FER: variants seen among roughly 807,000 people sequenced by gnomAD.
FER encodes the protein tyrosine-protein kinase Fer.
A neutral mutation model predicts 111.0 loss-of-function variants in FER; 63 were observed. That is an observed-to-expected ratio of 0.57 (90% CI 0.46 to 0.70). FER has a LOEUF of 0.70. Among genes scored for constraint, FER ranks in the 30% least tolerant of loss-of-function variants. FER has a pLI of 0.00. For synonymous variants in FER, 327 were observed against 313.9 expected, an observed-to-expected ratio of 1.04 and a Z score of -0.44; for missense variants, 914 against 954.0, an observed-to-expected ratio of 0.96 and a Z score of 0.55.
At position 108,869,782 on chromosome 5, in the gene FER, C is replaced by T. The variant is rs145475026; in HGVS notation, c.666-1583C>T. Among the ~76,000 whole-genome samples, 14 of 152,204 alleles carry T rather than the reference C, an allele frequency of 9.2e-5. No individual in the cohort carries two copies. In the East Asian group the frequency reaches 2.7e-3, roughly 29 times the overall value. ...TAGAAGCGCAAATTTGTCTTTGCTG[C>T]CTTCCAGACTCTGCTTGACTGACTT... On this transcript the variant is annotated intron_variant, in intron 6 of 19. Coordinates refer to ENST00000281092, the MANE Select transcript of FER (RefSeq NM_005246.4).
chr5:108,875,694 T>A (rs1196403521), intron 8 of FER, among the ~76,000 whole-genome samples: 1 of 152,164 alleles, frequency 6.6e-6, no homozygotes, highest in African/African-American at 2.4e-5. Context: ...AATGGAGTTT[T>A]GAATCAACAC....
intron 13 of FER, among the ~76,000 whole-genome samples, chr5:108,973,577 G>C (rs1037270740): frequency 6.6e-6 from 1 of 151,976 alleles, no homozygotes; most frequent in African/African-American, 2.4e-5. Flanking sequence ...CCCATAGAGA[G>C]AAATTACAAT....
chr5:108,993,580 AGAGGGAGAGGGAGAGGGCGAGGGC>A (rs1763565171), intron 13 of FER, among the ~76,000 whole-genome samples: 1 of 134,714 alleles, frequency 7.4e-6, no homozygotes, highest in Non-Finnish European at 1.6e-5. Context: ...GGGGAGAGGG[AGAGGGAGAGGGAGAGGGCGAGGGC>A]GAGGGAGAGG....
At chr5:109,103,992 A>C (rs1041750858) in intron 17 of FER, among the ~76,000 whole-genome samples, 5 of 152,176 alleles carry the variant, frequency 3.3e-5, no homozygotes, top group Non-Finnish European at 2.9e-5. Context: ...CATATACTTG[A>C]GTGAAAGCCC....
chr5:108,909,534 G>A (rs1751258968), intron 10 of FER, among the ~76,000 whole-genome samples: 1 of 152,102 alleles, frequency 6.6e-6, no homozygotes, highest in African/African-American at 2.4e-5. Flanking sequence ...CAAAGTATCA[G>A]TTACACTTCT....
chr5:108,751,476 T>C (rs1249797381), intron 1 of FER, among the ~76,000 whole-genome samples: 8 of 152,188 alleles, frequency 5.3e-5, no homozygotes, highest in Non-Finnish European at 1.5e-5. Flanking sequence ...GAACTTGTTA[T>C]ACAAAAAAAC....
intron 5 of FER, among the ~76,000 whole-genome samples, chr5:108,860,969 G>A (rs1333971183): frequency 6.6e-6 from 1 of 152,156 alleles, no homozygotes; most frequent in Non-Finnish European, 1.5e-5. Flanking sequence ...CACAAGAACA[G>A]CATGGGGGTA....
chr5:109,155,122 C>T (rs1755227340), intron 17 of FER, among the ~76,000 whole-genome samples: 1 of 151,894 alleles, frequency 6.6e-6, no homozygotes, highest in African/African-American at 2.4e-5. Context: ...TTCATATTCT[C>T]TTGTCATATG....
intron 2 of FER, among the ~76,000 whole-genome samples, chr5:108,792,486 C>T (rs1185345845): frequency 4.0e-5 from 6 of 151,858 alleles, no homozygotes; most frequent in African/African-American, 1.2e-4. Context: ...TACAGGCATG[C>T]GCCACCACGC....
In FER at chr5:109,196,513, C is replaced by T. The variant is rs1400916248; in HGVS notation, c.*8938C>T. ...ACAAACAAGGCTTTGGCGGGTTTAT[C>T]TGGCTTTATAAACAAGTCTGAAAAA... On this transcript the variant is annotated 3_prime_UTR_variant, in exon 20 of 20. Transcript: ENST00000281092. 1 of 152,138 alleles carries T rather than the reference C, an allele frequency of 6.6e-6. No individual in the cohort carries two copies. The highest frequency in any genetic ancestry group is 1.5e-5 in the Non-Finnish European group (1 of 68,020). The allele number at this position is 152,138 out of a possible 1,614,324, so 9.4% of individuals were successfully genotyped here. A position where few individuals can be genotyped will look rare whatever the true frequency, so the allele number is the denominator to read the frequency against.
chr5:109,000,139 TG>T (rs1182861877), intron 13 of FER, among the ~76,000 whole-genome samples: 1 of 151,740 alleles, frequency 6.6e-6, no homozygotes, highest in Non-Finnish European at 1.5e-5. Context: ...TTCATAAAGA[TG>T]ATATATAATA....
chr5:108,924,360 CAAAAAAA>C (rs59469649), intron 10 of FER, among the ~76,000 whole-genome samples: 105 of 99,072 alleles, frequency 1.1e-3, no homozygotes, highest in African/African-American at 2.7e-3. Flanking sequence ...AACTCTGTCT[CAAAAAAA>C]AAAAAAAAAA....
chr5:109,044,607 A>G (rs1771681192), intron 14 of FER, 73 bp from the exon 15 acceptor site: 1 of 714,984 alleles, frequency 1.4e-6, no homozygotes. Context: ...CCTCTTTGGT[A>G]CCTTTCCTTG....
chr5:109,149,104 TG>T (rs1754545536), intron 17 of FER, among the ~76,000 whole-genome samples: 1 of 152,202 alleles, frequency 6.6e-6, no homozygotes, highest in South Asian at 2.1e-4. Context: ...ATGCAAAACC[TG>T]GTTTTAAAAT....
chr5:108,790,510 C>T (rs775140076), intron 2 of FER, among the ~76,000 whole-genome samples: 5 of 152,086 alleles, frequency 3.3e-5, no homozygotes, highest in Admixed American at 1.3e-4. Flanking sequence ...ATTTTACTGC[C>T]TGAAATTCTA....
intron 17 of FER, among the ~76,000 whole-genome samples, chr5:109,148,702 T>C (rs577055858): frequency 2.0e-5 from 3 of 152,312 alleles, no homozygotes; most frequent in African/African-American, 7.2e-5. Context: ...CCTCAGTTAC[T>C]TGGATAATTT....
chr5:108,977,497 C>G (rs1354336155), intron 13 of FER, among the ~76,000 whole-genome samples: 1 of 152,152 alleles, frequency 6.6e-6, no homozygotes, highest in African/African-American at 2.4e-5. Context: ...TGAATCCACA[C>G]AGTTCAAACC....
At chr5:108,839,681 C>G (rs1233556206) in intron 5 of FER, among the ~76,000 whole-genome samples, 1 of 150,848 alleles carries the variant, frequency 6.6e-6, no homozygotes, top group Non-Finnish European at 1.5e-5. Context: ...AGATTCACGC[C>G]ATTCTCCTGC....
At position 109,049,781 on chromosome 5, in the gene FER, A is replaced by G. The variant is rs376290813; in HGVS notation, c.1924+2583A>G. ...AAGTGTCATACTCAGCATTTTCACC[A>G]GTCGTCTGTGATGAGTTTTAAAAAA... On this transcript the variant is annotated intron_variant, in intron 16 of 19. Coordinates refer to ENST00000281092, the MANE Select transcript of FER (RefSeq NM_005246.4). 5.6e-4 allele frequency among the ~76,000 whole-genome samples: 86 copies of G among 152,326 alleles called. No homozygotes were observed. The South Asian group carries it at 0.018, about 32-fold the overall frequency.
Sources: gnomAD v4.1 joint callset for allele counts (sites outside exome capture counted in the v4.1 genomes callset) on GRCh38, gnomAD v4.1.1 for gene constraint, MANE v1.5 for transcripts, NCBI Gene and HGNC (gene_info 2026-07-23, HGNC 2026-07-21) for gene names.